MACROD2: variants seen among roughly 807,000 people sequenced by gnomAD.
MACROD2 encodes the protein mono-ADP ribosylhydrolase 2, also known as ADP-ribose glycohydrolase MACROD2.
In MACROD2, 36 loss-of-function variants were observed where a neutral mutation model predicts 70.4. That is an observed-to-expected ratio of 0.51 (90% confidence interval 0.39 to 0.68). The LOEUF is 0.68. MACROD2 is among the 30% of genes least tolerant of loss of function. The pLI is 0.00. For missense variants in MACROD2, 496 were observed against 538.4 expected, an observed-to-expected ratio of 0.92 and a Z score of 0.78; for synonymous variants, 172 against 178.8, an observed-to-expected ratio of 0.96 and a Z score of 0.30.
intron 10 of MACROD2, among the ~76,000 whole-genome samples, chr20:15,889,538 T>C (rs2064862995): frequency 2.0e-5 from 3 of 152,262 alleles, no homozygotes; most frequent in South Asian, 2.1e-4. Flanking sequence ...GCATTTCAGA[T>C]GGTATCAGAC....
chr20:15,864,948 GACT>G (rs1568604933), intron 9 of MACROD2, among the ~76,000 whole-genome samples: 1 of 152,112 alleles, frequency 6.6e-6, no homozygotes, highest in Non-Finnish European at 1.5e-5. Flanking sequence ...GATGGAATGT[GACT>G]ACTAATATAC....
chr20:15,034,841 G>C (rs553229628), intron 5 of MACROD2, among the ~76,000 whole-genome samples: 8 of 152,058 alleles, frequency 5.3e-5, no homozygotes, highest in Non-Finnish European at 1.2e-4. Flanking sequence ...ATGCTCTGTC[G>C]TCAATCTACT....
At chr20:14,925,038 TCTC>T (rs1444167107) in intron 5 of MACROD2, among the ~76,000 whole-genome samples, 1 of 152,080 alleles carries the variant, frequency 6.6e-6, no homozygotes, top group Non-Finnish European at 1.5e-5. Flanking sequence ...CTTATTCACT[TCTC>T]CTCATCAGGC....
chr20:15,916,123 T>C (rs2065311032), intron 10 of MACROD2, among the ~76,000 whole-genome samples: 1 of 152,196 alleles, frequency 6.6e-6, no homozygotes, highest in South Asian at 2.1e-4. Flanking sequence ...TGTAACATAT[T>C]TGTGGAGCCT....
At chr20:14,233,008 CAG>C (rs2081832607) in intron 3 of MACROD2, among the ~76,000 whole-genome samples, 1 of 152,104 alleles carries the variant, frequency 6.6e-6, no homozygotes, top group Non-Finnish European at 1.5e-5. Context: ...TGTTGTGTCT[CAG>C]GGAATAGGGA....
chr20:14,748,092 G>A (rs1395064955), intron 5 of MACROD2, among the ~76,000 whole-genome samples: 1 of 151,986 alleles, frequency 6.6e-6, no homozygotes, highest in Non-Finnish European at 1.5e-5. Context: ...TCTCATAGGA[G>A]GATCCTTGAT....
chr20:14,086,457 C>A (rs983674188), intron 3 of MACROD2, among the ~76,000 whole-genome samples: 5 of 152,132 alleles, frequency 3.3e-5, no homozygotes, highest in African/African-American at 1.2e-4. Context: ...CAATTAAAAA[C>A]AAATCTGGAC....
At position 16,012,341 on chromosome 20, in the gene MACROD2, A is replaced by T. The variant is rs569160886; in HGVS notation, c.1153+25183A>T. 3.3e-5 allele frequency among the ~76,000 whole-genome samples: 5 copies of T among 152,304 alleles called. No homozygotes were observed. In the South Asian group the frequency reaches 8.3e-4, roughly 25 times the overall value. On this transcript the variant is annotated intron_variant, in intron 15 of 17. Transcript: ENST00000684519. The stretch of plus-strand genomic sequence containing the variant: ...TTCCTTTCTGAATAGAGCTGCTTCT[A>T]CATTGGTGGTTCTCAGCTTTGATTG...
intron 6 of MACROD2, among the ~76,000 whole-genome samples, chr20:15,299,503 T>A (rs1050103786): frequency 6.6e-6 from 1 of 152,246 alleles, no homozygotes; most frequent in Non-Finnish European, 1.5e-5. Context: ...GAAGTCATTT[T>A]AAGGCCCAGA....
intron 3 of MACROD2, chr20:14,223,383 C>G (rs1480275103): frequency 6.6e-6 from 1 of 152,130 alleles, no homozygotes; most frequent in Non-Finnish European, 1.5e-5. Context: ...CAGGCCCTAT[C>G]TAGTCATGGT....
chr20:14,271,400 C>T (rs889246235), intron 3 of MACROD2, among the ~76,000 whole-genome samples: 4 of 152,208 alleles, frequency 2.6e-5, no homozygotes, highest in African/African-American at 9.6e-5. Context: ...GAGTGGACCT[C>T]TAGCAAACTC....
intron 3 of MACROD2, among the ~76,000 whole-genome samples, chr20:14,265,610 C>T (rs866754446): frequency 6.6e-6 from 1 of 151,770 alleles, no homozygotes; most frequent in Non-Finnish European, 1.5e-5. Flanking sequence ...TCTTTTGTGT[C>T]AGTCCATACA....
rs201068996 is a variant in MACROD2 at position 15,554,546 on chromosome 20, C to CAAA, written c.645+54712_645+54714dup. 7.9e-3 allele frequency among the ~76,000 whole-genome samples: 709 copies of CAAA among 89,834 alleles called. 12 individuals are homozygous for CAAA. Among genetic ancestry groups the CAAA allele is most frequent in the African/African-American group, 0.028 (669 of 24,186 alleles). The allele number at this position is 89,834 out of a possible 152,430, so 58.9% of individuals were successfully genotyped here. On this transcript the variant is annotated intron_variant, in intron 8 of 17. Transcript: ENST00000684519. Reference sequence around the variant, plus strand: ...ATACATCATGGTAGTCCTATTTGGCCAAAAAAAAAAAAAAAGAAATATCAA... The same window carrying CAAA: ...ATACATCATGGTAGTCCTATTTGGCCAAAAAAAAAAAAAAAAAAGAAATATCAA...
intron 15 of MACROD2, among the ~76,000 whole-genome samples, chr20:16,032,207 C>T (rs1228110167): frequency 6.6e-6 from 1 of 151,960 alleles, no homozygotes; most frequent in East Asian, 1.9e-4. Context: ...AAGCAATGAG[C>T]ACACATGGAA....
chr20:15,615,509 C>T (rs1191865670), intron 8 of MACROD2, among the ~76,000 whole-genome samples: 1 of 152,026 alleles, frequency 6.6e-6, no homozygotes, highest in African/African-American at 2.4e-5. Context: ...GGGGATGTGT[C>T]CATGGAGATT....
intron 8 of MACROD2, among the ~76,000 whole-genome samples, chr20:15,829,896 T>G (rs2147115007): frequency 6.6e-6 from 1 of 152,192 alleles, no homozygotes; most frequent in East Asian, 1.9e-4. Context: ...AAGCAGGAGT[T>G]GAATCTGGAA....
At chr20:14,287,387 A>C (rs184835507) in intron 3 of MACROD2, among the ~76,000 whole-genome samples, 43 of 150,790 alleles carry the variant, frequency 2.9e-4, no homozygotes, top group African/African-American at 1.0e-3. Flanking sequence ...TTAGGAAATG[A>C]TGATGATGAT....
At chr20:15,397,415 C>A (rs142701674) in intron 6 of MACROD2, among the ~76,000 whole-genome samples, 1,568 of 152,232 alleles carry the variant, frequency 0.01, 34 homozygotes, top group African/African-American at 0.036. Flanking sequence ...CTCACCTCAG[C>A]TCCCAAGTAG....
At chr20:15,809,599 A>G (rs184758638) in intron 8 of MACROD2, among the ~76,000 whole-genome samples, 1 of 152,240 alleles carries the variant, frequency 6.6e-6, no homozygotes, top group East Asian at 1.9e-4. Flanking sequence ...CACAGGAACT[A>G]ATGGAGTGAG....
Sources: gnomAD v4.1 joint callset for allele counts (sites outside exome capture counted in the v4.1 genomes callset) on GRCh38, gnomAD v4.1.1 for gene constraint, MANE v1.5 for transcripts, NCBI Gene and HGNC (gene_info 2026-07-23, HGNC 2026-07-21) for gene names.